DGKB: variants seen among roughly 807,000 people sequenced by gnomAD.
The protein encoded by DGKB is diacylglycerol kinase beta.
A neutral mutation model predicts 114.3 loss-of-function variants in DGKB; 67 were observed. The observed-to-expected ratio is 0.59, with a 90% confidence interval of 0.48 to 0.72. The LOEUF is 0.72. DGKB is among the 30% of genes least tolerant of loss of function. The pLI is 0.00. For missense variants in DGKB, 907 were observed against 975.2 expected, an observed-to-expected ratio of 0.93 and a Z score of 0.93; for synonymous variants, 398 against 323.1, an observed-to-expected ratio of 1.23 and a Z score of -2.49.
chr7:14,969,602 A>T (rs559155380), intron 1 of DGKB, among the ~76,000 whole-genome samples: 104 of 152,254 alleles, frequency 6.8e-4, no homozygotes, highest in African/African-American at 2.4e-3. Context: ...CATGAATCCT[A>T]TTGTAAACTA....
intron 1 of DGKB, among the ~76,000 whole-genome samples, chr7:14,857,990 T>C (rs1389427555): frequency 6.6e-6 from 1 of 152,170 alleles, no homozygotes; most frequent in Non-Finnish European, 1.5e-5. Context: ...TGGTGAACCT[T>C]TATAATTAAT....
chr7:14,883,612 T>C (rs562737265), intron 1 of DGKB, among the ~76,000 whole-genome samples: 26 of 152,162 alleles, frequency 1.7e-4, no homozygotes, highest in Admixed American at 1.4e-3. Context: ...CTCAGAGCCA[T>C]GTGGTTTTGT....
At chr7:14,328,152 A>T (rs993882921) in intron 23 of DGKB, among the ~76,000 whole-genome samples, 2 of 152,122 alleles carry the variant, frequency 1.3e-5, no homozygotes, top group African/African-American at 4.8e-5. Flanking sequence ...AAATTTGAAT[A>T]TCATAGACTT....
chr7:14,350,201 A>G (rs755786921), intron 21 of DGKB, among the ~76,000 whole-genome samples: 6 of 152,156 alleles, frequency 3.9e-5, no homozygotes, highest in Non-Finnish European at 7.4e-5. Context: ...AATGTGAACT[A>G]TCAGAGACTT....
At chr7:14,675,677 G>A (rs1171678728) in intron 12 of DGKB, among the ~76,000 whole-genome samples, 1 of 151,590 alleles carries the variant, frequency 6.6e-6, no homozygotes, top group Non-Finnish European at 1.5e-5. Flanking sequence ...CGGTCGTAAG[G>A]CACTCCCCAA....
At chr7:14,374,789 T>C (rs188007546) in intron 21 of DGKB, among the ~76,000 whole-genome samples, 39 of 152,290 alleles carry the variant, frequency 2.6e-4, no homozygotes, top group Non-Finnish European at 1.8e-4. Context: ...CTGTGCATTG[T>C]AGGATGTTTA....
chr7:14,546,278 T>A (rs1794270033), intron 20 of DGKB, among the ~76,000 whole-genome samples: 1 of 152,140 alleles, frequency 6.6e-6, no homozygotes, highest in African/African-American at 2.4e-5. Context: ...TTTGAGTAAG[T>A]TCTAGTGAAG....
intron 23 of DGKB, among the ~76,000 whole-genome samples, chr7:14,257,981 G>A (rs1363083375): frequency 6.6e-6 from 1 of 152,150 alleles, no homozygotes; most frequent in Non-Finnish European, 1.5e-5. Flanking sequence ...ACTTGCCTCG[G>A]CCTCCCAAAG....
intron 20 of DGKB, among the ~76,000 whole-genome samples, chr7:14,563,485 T>C (rs1473131327): frequency 6.6e-6 from 1 of 152,176 alleles, no homozygotes; most frequent in Non-Finnish European, 1.5e-5. Flanking sequence ...AGTTCAATTA[T>C]TGTTTTCTTC....
chr7:14,396,622 T>C (rs577973631), intron 21 of DGKB, among the ~76,000 whole-genome samples: 1 of 152,308 alleles, frequency 6.6e-6, no homozygotes, highest in Non-Finnish European at 1.5e-5. Flanking sequence ...TTCAACAACC[T>C]TAATGACATG....
intron 6 of DGKB, among the ~76,000 whole-genome samples, chr7:14,713,269 C>T (rs1827659020): frequency 6.6e-6 from 1 of 151,944 alleles, no homozygotes; most frequent in East Asian, 1.9e-4. Flanking sequence ...TTGCACTTGC[C>T]ATTATGTGTT....
intron 17 of DGKB, among the ~76,000 whole-genome samples, chr7:14,606,859 T>C (rs928703850): frequency 2.0e-5 from 3 of 152,062 alleles, no homozygotes; most frequent in African/African-American, 7.2e-5. Flanking sequence ...TGATTAGATT[T>C]GGTAAGTAGT....
intron 20 of DGKB, among the ~76,000 whole-genome samples, chr7:14,478,506 T>C (rs1272229796): frequency 6.6e-6 from 1 of 152,180 alleles, no homozygotes; most frequent in Non-Finnish European, 1.5e-5. Flanking sequence ...TCTCCTTTAA[T>C]GACTGGCTTT....
chr7:14,342,486 TC>T (rs1382715691), intron 22 of DGKB, among the ~76,000 whole-genome samples: 1 of 151,980 alleles, frequency 6.6e-6, no homozygotes, highest in Non-Finnish European at 1.5e-5. Context: ...TTTATTTTTA[TC>T]TTTTGTAATA....
At chr7:14,461,200 C>T (rs532913439) in intron 21 of DGKB, among the ~76,000 whole-genome samples, 18 of 152,098 alleles carry the variant, frequency 1.2e-4, no homozygotes, top group African/African-American at 4.3e-4. Flanking sequence ...ACTGGAGCAG[C>T]AAGAGCAAAC....
chr7:14,896,109 A>C (rs74652876), intron 1 of DGKB, among the ~76,000 whole-genome samples: 2 of 151,836 alleles, frequency 1.3e-5, no homozygotes, highest in African/African-American at 4.8e-5. Flanking sequence ...GTTTCCTCAC[A>C]TCAGAGATCA....
chr7:14,553,853 C>T, intron 20 of DGKB, among the ~76,000 whole-genome samples: 1 of 143,566 alleles, frequency 7.0e-6, no homozygotes, highest in East Asian at 2.1e-4. Flanking sequence ...TATTTGTGTG[C>T]TCCTTTACAT....
At position 14,613,372 on chromosome 7, in the gene DGKB, C is replaced by A; in HGVS notation, c.1326G>T (p.Val442=). ...CTTGTTTTCCACCACTTTTGGGGTT[C>A]ACAAAAACTAAAAGTGGGTGAGTAC... The part of the protein sequence containing the change: ...VPGTHPLLVF[V]NPKSGGKQGE... Residue 442 remains valine (V), a synonymous_variant, in exon 16 of 26, where the codon GTG becomes GTT. Transcript: ENST00000402815. 6.4e-7 allele frequency: 1 copy of A among 1,571,262 alleles called. No homozygotes were observed.
chr7:14,145,965 A>G lies in DGKB; in HGVS notation c.*3166T>C, dbSNP rs1302766492. Reference sequence around the variant, plus strand: ...AACAAAATAAAATGTGGAAACACGTATGTGATTCATTAGCCCTCACTGGAT... The same window carrying G: ...AACAAAATAAAATGTGGAAACACGTGTGTGATTCATTAGCCCTCACTGGAT... On this transcript the variant is annotated 3_prime_UTR_variant, in exon 26 of 26. Transcript: ENST00000402815. 6.6e-6 allele frequency: 1 copy of G among 152,236 alleles called. No homozygotes were observed. Among genetic ancestry groups the G allele is most frequent in the African/African-American group, 2.4e-5 (1 of 41,462 alleles). 9.4% of individuals were successfully genotyped at this position (152,236 alleles called of 1,614,324 possible).
Sources: allele counts gnomAD v4.1 joint callset (sites outside exome capture counted in the v4.1 genomes callset), GRCh38; gene constraint gnomAD v4.1.1; transcripts MANE v1.5; gene names NCBI Gene and HGNC (gene_info 2026-07-23, HGNC 2026-07-21).